The following GNAI1 variants were observed in gnomAD, a reference collection of about 807,000 sequenced individuals.
GNAI1 encodes G protein subunit alpha i1, also known as guanine nucleotide-binding protein G(i) subunit alpha-1.
In GNAI1, 11 loss-of-function variants were observed where a neutral mutation model predicts 38.9. That is an observed-to-expected ratio of 0.28 (90% CI 0.18 to 0.47). The LOEUF is 0.47. GNAI1 is among the 20% of genes least tolerant of loss of function. The pLI is 0.99. For synonymous variants in GNAI1, 166 were observed against 145.1 expected (o/e 1.14, Z -1.04); for missense variants, 317 against 436.9 (o/e 0.73, Z 2.45).
rs1789058138 is a variant in GNAI1, at chr7:80,220,726, A to G, written c.*3233A>G. ...CATTGAATACTGACAGTAACTAGAG[A>G]TCAAAAAAGGCTTAAAGAGGTTAAT... On this transcript the variant is annotated 3_prime_UTR_variant, in exon 8 of 8. Coordinates refer to ENST00000649796, the MANE Select transcript of GNAI1 (RefSeq NM_002069.6). Among the ~76,000 whole-genome samples, 1 of 152,182 alleles carries G rather than the reference A, an allele frequency of 6.6e-6. No homozygotes were observed. Among genetic ancestry groups the G allele is most frequent in the South Asian group, 2.1e-4 (1 of 4,834 alleles).
chr7:80,200,663 CTA>C (rs1788671028), intron 4 of GNAI1, among the ~76,000 whole-genome samples: 1 of 152,112 alleles, frequency 6.6e-6, no homozygotes, highest in Non-Finnish European at 1.5e-5. Context: ...AGACTAGGTA[CTA>C]TATGTTGTGT....
intron 1 of GNAI1, among the ~76,000 whole-genome samples, chr7:80,160,878 C>G (rs1227293275): frequency 6.6e-6 from 1 of 151,838 alleles, no homozygotes; most frequent in Non-Finnish European, 1.5e-5. Context: ...AAAAAAATGT[C>G]CTGGTAACTA....
chr7:80,153,851 G>A (rs1787770371), intron 1 of GNAI1, among the ~76,000 whole-genome samples: 1 of 152,058 alleles, frequency 6.6e-6, no homozygotes, highest in Non-Finnish European at 1.5e-5. Context: ...AATATTTCAG[G>A]CAGGCAATTT....
Position 80,176,558 on chromosome 7 carries a change from C to T in GNAI1, c.119-12393C>T, listed in dbSNP as rs561719364. On this transcript the variant is annotated intron_variant, in intron 1 of 7. Transcript: ENST00000649796. The stretch of plus-strand genomic sequence containing the variant: ...CAGAGCTACAAAGGACAGACTTACT[C>T]TCTTGTTAGGGGCTAATGCAGCTGG... Among the ~76,000 whole-genome samples the T allele has an allele frequency of 2.6e-5, 4 of 152,326 alleles. No individual in the cohort carries two copies. The East Asian group carries it at 7.7e-4, about 29-fold the overall frequency.
intron 1 of GNAI1, among the ~76,000 whole-genome samples, chr7:80,184,316 T>C (rs923662839): frequency 3.9e-5 from 6 of 152,188 alleles, no homozygotes; most frequent in African/African-American, 1.4e-4. Context: ...TTGTGCAGTT[T>C]GGCCTTTTGA....
chr7:80,168,460 T>G (rs924106615), intron 1 of GNAI1, among the ~76,000 whole-genome samples: 19 of 152,176 alleles, frequency 1.2e-4, no homozygotes, highest in African/African-American at 4.3e-4. Context: ...CGATCTCGGC[T>G]CACTGCAAGC....
intron 3 of GNAI1, among the ~76,000 whole-genome samples, chr7:80,194,737 G>A (rs1047633352): frequency 6.6e-6 from 1 of 151,932 alleles, no homozygotes; most frequent in African/African-American, 2.4e-5. Flanking sequence ...GATGTATCTT[G>A]CCACATTTAT....
intron 7 of GNAI1, among the ~76,000 whole-genome samples, chr7:80,215,761 A>G (rs1788958137): frequency 1.5e-5 from 2 of 132,616 alleles, no homozygotes; most frequent in African/African-American, 6.7e-5. Flanking sequence ...GGAGGAGGAA[A>G]AAGTTTTTAA....
At chr7:80,196,851 A>G (rs1052268789) in intron 3 of GNAI1, among the ~76,000 whole-genome samples, 2 of 151,996 alleles carry the variant, frequency 1.3e-5, no homozygotes, top group African/African-American at 2.4e-5. Context: ...TGAGATACAT[A>G]TAGATAGTAA....
intron 5 of GNAI1, among the ~76,000 whole-genome samples, chr7:80,208,558 A>T (rs893496322): frequency 2.0e-5 from 3 of 152,176 alleles, no homozygotes; most frequent in Non-Finnish European, 4.4e-5. Context: ...AGCTAGTAAC[A>T]TCTGACTCCT....
chr7:80,211,980 A>C (rs1788883317), intron 6 of GNAI1, among the ~76,000 whole-genome samples: 1 of 152,162 alleles, frequency 6.6e-6, no homozygotes, highest in Non-Finnish European at 1.5e-5. Flanking sequence ...GCAAAACCTG[A>C]GTATACAGAA....
intron 3 of GNAI1, among the ~76,000 whole-genome samples, chr7:80,197,522 A>G (rs1788599401): frequency 6.6e-6 from 1 of 152,014 alleles, no homozygotes; most frequent in Non-Finnish European, 1.5e-5. Flanking sequence ...TTTCTAAAAT[A>G]GAAAGGTTAT....
chr7:80,197,278 A>G (rs1428092257), intron 3 of GNAI1, among the ~76,000 whole-genome samples: 4 of 151,726 alleles, frequency 2.6e-5, no homozygotes, highest in Non-Finnish European at 4.4e-5. Flanking sequence ...TATATGTAGA[A>G]TTATGAAAAA....
At chr7:80,165,117 A>T in intron 1 of GNAI1, among the ~76,000 whole-genome samples, 1 of 152,126 alleles carries the variant, frequency 6.6e-6, no homozygotes, top group East Asian at 1.9e-4. Context: ...ATGTATATTG[A>T]GTATTAATAG....
intron 1 of GNAI1, among the ~76,000 whole-genome samples, chr7:80,171,863 C>G (rs962917055): frequency 6.6e-6 from 1 of 152,114 alleles, no homozygotes; most frequent in Non-Finnish European, 1.5e-5. Flanking sequence ...AGCTTTTCTT[C>G]AAATGAAATA....
At chr7:80,183,304 T>G (rs1387709785) in intron 1 of GNAI1, among the ~76,000 whole-genome samples, 1 of 152,226 alleles carries the variant, frequency 6.6e-6, no homozygotes, top group African/African-American at 2.4e-5. Context: ...TATCTACTTC[T>G]GTCTTAAATA....
In GNAI1 at chr7:80,226,086, A is replaced by T. The variant is rs1789152809; in HGVS notation, c.*8593A>T. 6.6e-6 allele frequency among the ~76,000 whole-genome samples: 1 copy of T among 152,162 alleles called. No homozygotes were observed. Among genetic ancestry groups the T allele is most frequent in the Admixed American group, 6.5e-5 (1 of 15,284 alleles). ...GATTAAACCTGATTTAAGTCCCTCT[A>T]ACAATTATGAAGAAAAAAAAAGACT... On this transcript the variant is annotated 3_prime_UTR_variant, in exon 8 of 8. Transcript: ENST00000649796.
At chr7:80,170,131 G>C (rs567027095) in intron 1 of GNAI1, among the ~76,000 whole-genome samples, 2 of 152,246 alleles carry the variant, frequency 1.3e-5, no homozygotes, top group East Asian at 3.9e-4. Flanking sequence ...AAACATTCAT[G>C]TACAACTTTT....
At chr7:80,195,223 T>C (rs1430749804) in intron 3 of GNAI1, among the ~76,000 whole-genome samples, 1 of 151,878 alleles carries the variant, frequency 6.6e-6, no homozygotes. Flanking sequence ...TATAATATGT[T>C]TATTGATAAT....
Sources: gnomAD v4.1 joint callset for allele counts (sites outside exome capture counted in the v4.1 genomes callset) on GRCh38, gnomAD v4.1.1 for gene constraint, MANE v1.5 for transcripts, NCBI Gene and HGNC (gene_info 2026-07-23, HGNC 2026-07-21) for gene names.